Variants in KLRF1 observed in about 807,000 individuals in gnomAD.
KLRF1 encodes the protein killer cell lectin-like receptor subfamily F member 1.
KLRF1 carries 27 observed loss-of-function variants against 30.7 expected under a neutral mutation model. The observed-to-expected ratio is 0.88, with a 90% confidence interval of 0.65 to 1.21. The LOEUF is 1.21. KLRF1 is among the 50% of genes most tolerant of loss of function. The pLI, the probability that KLRF1 is intolerant of heterozygous loss-of-function variation, is 0.00. For synonymous variants in KLRF1, 92 were observed against 89.3 expected (o/e 1.03, Z -0.17); for missense variants, 246 against 259.3 (o/e 0.95, Z 0.35).
the KLRF1 span, among the ~76,000 whole-genome samples, chr12:9,807,016 T>G: frequency 6.6e-6 from 1 of 152,016 alleles, no homozygotes; most frequent in African/African-American, 2.4e-5. Context: ...TAATTTTTTT[T>G]GGCGTTAATG....
the KLRF1 span, among the ~76,000 whole-genome samples, chr12:9,814,415 C>G: frequency 2.6e-5 from 4 of 152,210 alleles, no homozygotes; most frequent in Non-Finnish European, 4.4e-5. Context: ...CAGCCTGAGC[C>G]CTGAGCACAA....
chr12:9,813,507 G>A, the KLRF1 span, among the ~76,000 whole-genome samples: 5 of 151,828 alleles, frequency 3.3e-5, no homozygotes, highest in East Asian at 1.9e-4. Context: ...TTACAAGGTC[G>A]CAATTTCGAC....
At chr12:9,835,100 T>A (rs966225862) in intron 3 of KLRF1, among the ~76,000 whole-genome samples, 1 of 152,050 alleles carries the variant, frequency 6.6e-6, no homozygotes, top group Admixed American at 6.6e-5. Context: ...ATTAGTGGAA[T>A]AACTCTTTTT....
chr12:9,804,789 A>G, the KLRF1 span, among the ~76,000 whole-genome samples: 4 of 152,044 alleles, frequency 2.6e-5, no homozygotes, highest in African/African-American at 9.7e-5. Context: ...GATGTTCTGT[A>G]TCAGATTGAA....
upstream of KLRF1, among the ~76,000 whole-genome samples, chr12:9,826,390 A>G (rs377087010): frequency 1.1e-4 from 17 of 152,156 alleles, no homozygotes. Flanking sequence ...ACAGATGCTG[A>G]TGAGGTAGTG....
intron 5 of KLRF1, among the ~76,000 whole-genome samples, chr12:9,843,137 A>C (rs1426953955): frequency 6.6e-6 from 1 of 152,166 alleles, no homozygotes; most frequent in Non-Finnish European, 1.5e-5. Flanking sequence ...GGGTCCTTAG[A>C]AGAGGGAGGA....
intron 3 of KLRF1, among the ~76,000 whole-genome samples, chr12:9,840,828 G>A (rs1192693446): frequency 6.6e-6 from 1 of 152,048 alleles, no homozygotes; most frequent in Non-Finnish European, 1.5e-5. Flanking sequence ...TGGAGAAAAA[G>A]GAATGCTTAT....
Position 9,832,407 on chromosome 12 carries a change from C to G in KLRF1, c.177C>G (p.Ile59Met). The G allele has an allele frequency of 6.4e-7, 1 of 1,569,776 alleles. No homozygotes were observed. The highest frequency in any genetic ancestry group is 8.8e-7 in the Non-Finnish European group (1 of 1,141,010). ...GILTLTLISL[I>M]LLVSQGVLLK... ...TCACTTTGACTTTGATCTCCTTGAT[C>G]CTGTTGGGTAAGTTTAGAAGATCTT... is the stretch of plus-strand genomic sequence containing the variant. Residue 59 changes from isoleucine (I) to methionine (M), a missense_variant, in exon 2 of 6, where the codon ATC becomes ATG. By Grantham distance (10) the Ile-to-Met change is conservative. Coordinates refer to ENST00000617889, the MANE Select transcript of KLRF1 (RefSeq NM_016523.3).
At chr12:9,823,301 C>T (rs770111157), upstream of KLRF1, among the ~76,000 whole-genome samples, 10 of 149,082 alleles carry the variant, frequency 6.7e-5, no homozygotes, top group Non-Finnish European at 1.0e-4. Context: ...TGGACCACAA[C>T]GCAATAAAAA....
intron 3 of KLRF1, among the ~76,000 whole-genome samples, chr12:9,836,293 T>C (rs1867575202): frequency 6.6e-6 from 1 of 152,088 alleles, no homozygotes; most frequent in Non-Finnish European, 1.5e-5. Context: ...ATCCCTACTA[T>C]CTTCTGTCTA....
At chr12:9,843,214 G>A (rs911772830) in intron 5 of KLRF1, among the ~76,000 whole-genome samples, 6 of 152,168 alleles carry the variant, frequency 3.9e-5, no homozygotes, top group Admixed American at 1.3e-4. Context: ...GTGAAATCAC[G>A]TCTGTGAGCC....
chr12:9,825,514 G>A (rs766746226), upstream of KLRF1, among the ~76,000 whole-genome samples: 22 of 152,198 alleles, frequency 1.4e-4, no homozygotes, highest in African/African-American at 5.3e-4. Flanking sequence ...CTCAACTCAA[G>A]ATGGATAAAA....
At chr12:9,810,980 A>T in the KLRF1 span, among the ~76,000 whole-genome samples, 25 of 152,310 alleles carry the variant, frequency 1.6e-4, no homozygotes, top group African/African-American at 5.3e-4. Flanking sequence ...ATAACCACAG[A>T]GTAAAAGCAG....
chr12:9,813,754 A>G, the KLRF1 span, among the ~76,000 whole-genome samples: 1 of 152,124 alleles, frequency 6.6e-6, no homozygotes, highest in African/African-American at 2.4e-5. Context: ...CTCAGCTGAA[A>G]CTGTCTGGGA....
At chr12:9,803,466 A>G in the KLRF1 span, among the ~76,000 whole-genome samples, 1 of 152,014 alleles carries the variant, frequency 6.6e-6, no homozygotes, top group Non-Finnish European at 1.5e-5. Context: ...TTCATAAATC[A>G]TATCTTTGGT....
chr12:9,839,039 G>T (rs1277092167), intron 3 of KLRF1, among the ~76,000 whole-genome samples: 2 of 152,070 alleles, frequency 1.3e-5, no homozygotes, highest in Non-Finnish European at 2.9e-5. Context: ...TTTAGATGAG[G>T]CCATGTGGAT....
chr12:9,813,715 C>T, the KLRF1 span, among the ~76,000 whole-genome samples: 2 of 152,112 alleles, frequency 1.3e-5, no homozygotes, highest in Non-Finnish European at 2.9e-5. Flanking sequence ...AGCTCTGAGG[C>T]AGGAAAGAGA....
the KLRF1 span, among the ~76,000 whole-genome samples, chr12:9,802,296 G>A: frequency 1.3e-5 from 2 of 151,992 alleles, no homozygotes; most frequent in Admixed American, 6.6e-5. Flanking sequence ...ATCCCTTCAT[G>A]TTAAAAACTC....
intron 3 of KLRF1, among the ~76,000 whole-genome samples, chr12:9,836,287 C>T (rs1425267121): frequency 6.6e-6 from 1 of 152,048 alleles, no homozygotes; most frequent in Non-Finnish European, 1.5e-5. Context: ...CTAGTCATCC[C>T]TACTATCTTC....
Sources: gnomAD v4.1 joint callset for allele counts (sites outside exome capture counted in the v4.1 genomes callset) on GRCh38, gnomAD v4.1.1 for gene constraint, MANE v1.5 for transcripts, NCBI Gene and HGNC (gene_info 2026-07-23, HGNC 2026-07-21) for gene names.